HELZ: variants seen among roughly 807,000 people sequenced by gnomAD.
HELZ encodes ATP-dependent RNA helicase with zinc finger domain.
A neutral mutation model predicts 218.2 loss-of-function variants in HELZ; 23 were observed. The ratio of observed to expected loss-of-function variants is 0.11; its 90% confidence interval spans 0.08 to 0.15. The LOEUF is 0.15. Among genes scored for constraint, HELZ ranks in the 10% least tolerant of loss-of-function variants. HELZ has a pLI of 1.00. For synonymous variants in HELZ, 814 were observed against 829.4 expected, an observed-to-expected ratio of 0.98 and a Z score of 0.32; for missense variants, 1,813 against 2,353.7, an observed-to-expected ratio of 0.77 and a Z score of 4.75.
chr17:67,096,721 G>A (rs935275085), intron 31 of HELZ, among the ~76,000 whole-genome samples: 3 of 152,110 alleles, frequency 2.0e-5, no homozygotes, highest in African/African-American at 7.2e-5. Context: ...TCTGGATTAC[G>A]CTTTGGCTTA....
chr17:67,216,063 A>G, intron 4 of HELZ, 128 bp from the exon 5 acceptor site: 1 of 681,830 alleles, frequency 1.5e-6, no homozygotes, highest in South Asian at 1.6e-5. Context: ...CTATTCACAG[A>G]GCAAAGCTAA....
At chr17:67,166,679 C>G (rs1399721047) in intron 14 of HELZ, 71 bp from the exon 15 acceptor site, 1 of 1,367,360 alleles carries the variant, frequency 7.3e-7, no homozygotes, top group East Asian at 2.3e-5. Context: ...CACTAGAATA[C>G]TTTGGGAGGA....
chr17:67,192,729 A>G (rs2039929271), intron 9 of HELZ, among the ~76,000 whole-genome samples: 1 of 152,214 alleles, frequency 6.6e-6, no homozygotes, highest in Non-Finnish European at 1.5e-5. Context: ...TTCCTTCGCT[A>G]TCAAAAGTAA....
intron 31 of HELZ, among the ~76,000 whole-genome samples, chr17:67,092,675 T>G (rs1359546063): frequency 6.6e-6 from 1 of 152,158 alleles, no homozygotes; most frequent in Non-Finnish European, 1.5e-5. Context: ...TAGTGAAAGA[T>G]AATCAAGCGG....
intron 3 of HELZ, chr17:67,225,199 A>G: frequency 2.9e-6 from 1 of 339,288 alleles, no homozygotes; most frequent in Non-Finnish European, 5.5e-6. Context: ...CAGATGTTTA[A>G]AAGATTATAT....
chr17:67,215,904 C>T lies in HELZ; in HGVS notation c.242G>A (p.Arg81Lys), dbSNP rs1426254961. 1 of 1,554,636 alleles carries T rather than the reference C, an allele frequency of 6.4e-7. No homozygotes were observed. Among genetic ancestry groups the T allele is most frequent in the Non-Finnish European group, 8.9e-7 (1 of 1,129,300 alleles). ...KNYVQADEDC[R>K]HVLGEGLAKG... The stretch of plus-strand genomic sequence containing the variant: ...AGTCTCATTTTTAAACATACCATGT[C>T]TACAATCTTCATCAGCTTGCACATA... The change falls in exon 5 of 33, where the codon AGA (arginine) becomes AAA (lysine). Residue 81 changes from arginine to lysine, a missense_variant. Transcript: ENST00000358691.
At chr17:67,117,914 T>C (rs2037479585) in intron 27 of HELZ, among the ~76,000 whole-genome samples, 1 of 152,130 alleles carries the variant, frequency 6.6e-6, no homozygotes, top group South Asian at 2.1e-4. Flanking sequence ...GAGAGATATA[T>C]ACTCCGTTCA....
chr17:67,128,915 T>C (rs1052913200), intron 23 of HELZ, 60 bp from the exon 24 acceptor site: 3 of 1,234,336 alleles, frequency 2.4e-6, no homozygotes, highest in Non-Finnish European at 2.4e-6. Flanking sequence ...CAGAAATGAA[T>C]ATAAATAACT....
intron 7 of HELZ, among the ~76,000 whole-genome samples, chr17:67,198,682 A>T (rs550409605): frequency 3.8e-4 from 58 of 152,354 alleles, no homozygotes; most frequent in Admixed American, 9.1e-4. Flanking sequence ...CTTGAGTTCC[A>T]GGTCTTTATT....
At chr17:67,096,874 T>C (rs995197390) in intron 31 of HELZ, among the ~76,000 whole-genome samples, 2 of 152,258 alleles carry the variant, frequency 1.3e-5, no homozygotes, top group Admixed American at 1.3e-4. Context: ...ACTTTTAATT[T>C]CCTTCAAGAA....
intron 27 of HELZ, among the ~76,000 whole-genome samples, chr17:67,116,777 A>C (rs1273596279): frequency 6.6e-6 from 1 of 152,214 alleles, no homozygotes; most frequent in Non-Finnish European, 1.5e-5. Flanking sequence ...ACCCCTCCTC[A>C]GTAATTGATA....
chr17:67,203,246 T>C (rs926889738), intron 6 of HELZ, 73 bp downstream of exon 6: 33 of 1,451,962 alleles, frequency 2.3e-5, no homozygotes, highest in Admixed American at 6.6e-5. Flanking sequence ...CACTTTTTTT[T>C]CCCCACAATA....
Position 67,123,069 on chromosome 17 carries a change from A to G in HELZ, c.3531T>C (p.Ser1177=). ...PLGPHPNLGK[S]PSPVQRIDPH... is the part of the protein sequence containing the mutation. ...GATCTATTCTTTGAACAGGGCTTGGAGATTTTCCCAAATTTGGGTGAGGTC... is the reference window on the plus strand; with the variant it reads ...GATCTATTCTTTGAACAGGGCTTGGGGATTTTCCCAAATTTGGGTGAGGTC... Residue 1177 remains serine (S), a synonymous_variant, in exon 26 of 33, where the codon TCT becomes TCC. Coordinates refer to ENST00000358691, the MANE Select transcript of HELZ (RefSeq NM_014877.4). The G allele has an allele frequency of 2.2e-5, 35 of 1,613,338 alleles. No homozygotes were observed. The highest frequency in any genetic ancestry group is 3.0e-5 in the Non-Finnish European group (35 of 1,179,288).
chr17:67,094,096 C>T (rs1025472603), intron 31 of HELZ, among the ~76,000 whole-genome samples: 3 of 152,036 alleles, frequency 2.0e-5, no homozygotes, highest in African/African-American at 7.2e-5. Context: ...CCGAGGTGGG[C>T]AGAGTGCTTA....
In HELZ at chr17:67,148,699, A is replaced by C. The variant is rs1477755376; in HGVS notation, c.2491T>G (p.Tyr831Asp). The change falls in exon 20 of 33, where the codon TAC becomes GAC. Residue 831 changes from tyrosine to aspartate, a missense_variant. By Grantham distance (160) the Tyr-to-Asp change is radical. Coordinates refer to ENST00000358691, the MANE Select transcript of HELZ (RefSeq NM_014877.4). ...TTTCTCTCCCTGGCAAACTCGCTGT[A>C]AACAAAAGGACTGAGCTGTAACAGA... ...GDHMQLSPFV[Y>D]SEFARERNLH... 1 of 1,613,078 alleles carries C rather than the reference A, an allele frequency of 6.2e-7. No individual in the cohort carries two copies. Among genetic ancestry groups the C allele is most frequent in the Non-Finnish European group, 8.5e-7 (1 of 1,179,488 alleles).
At chr17:67,187,873 T>G (rs2039798467) in intron 12 of HELZ, among the ~76,000 whole-genome samples, 1 of 152,204 alleles carries the variant, frequency 6.6e-6, no homozygotes, top group South Asian at 2.1e-4. Flanking sequence ...TATGAAGGCT[T>G]ATTATACTCA....
chr17:67,140,644 T>C (rs2143970839), intron 21 of HELZ, among the ~76,000 whole-genome samples: 1 of 152,022 alleles, frequency 6.6e-6, no homozygotes, highest in East Asian at 1.9e-4. Flanking sequence ...AGCGCAAAGA[T>C]GGAAAGGAGC....
At chr17:67,081,751 T>C (rs2036196057) in intron 32 of HELZ, among the ~76,000 whole-genome samples, 1 of 152,124 alleles carries the variant, frequency 6.6e-6, no homozygotes, top group East Asian at 1.9e-4. Flanking sequence ...ACATACCTGA[T>C]TTAGATTGGG....
At chr17:67,183,280 A>G (rs1598385845) in intron 12 of HELZ, among the ~76,000 whole-genome samples, 3 of 152,238 alleles carry the variant, frequency 2.0e-5, no homozygotes, top group African/African-American at 4.8e-5. Context: ...CAGCTTGCCT[A>G]TGTTAACTGT....
Sources: gnomAD v4.1 joint callset for allele counts (sites outside exome capture counted in the v4.1 genomes callset) on GRCh38, gnomAD v4.1.1 for gene constraint, MANE v1.5 for transcripts, NCBI Gene and HGNC (gene_info 2026-07-23, HGNC 2026-07-21) for gene names.